The following ASF1A variants were observed in gnomAD, a reference collection of about 807,000 sequenced individuals.
ASF1A encodes anti-silencing function 1A histone chaperone.
A neutral mutation model predicts 22.0 loss-of-function variants in ASF1A; 5 were observed. The observed-to-expected ratio is 0.23, with a 90% CI of 0.12 to 0.48. The LOEUF (loss-of-function observed/expected upper bound fraction) is 0.48. Among genes scored for constraint, ASF1A ranks in the 20% least tolerant of loss-of-function variants. ASF1A has a pLI of 0.99. For synonymous variants in ASF1A, 97 were observed against 86.7 expected (o/e 1.12, Z -0.66); for missense variants, 137 against 240.6 (o/e 0.57, Z 2.85).
intron 3 of ASF1A, among the ~76,000 whole-genome samples, chr6:118,906,760 A>G (rs574488526): frequency 6.6e-6 from 1 of 152,344 alleles, no homozygotes; most frequent in East Asian, 1.9e-4. Context: ...CAGTTTGGTA[A>G]CTGGTGATTT....
At chr6:118,897,993 GCT>G (rs1366662817) in intron 1 of ASF1A, among the ~76,000 whole-genome samples, 3 of 152,164 alleles carry the variant, frequency 2.0e-5, no homozygotes, top group African/African-American at 7.2e-5. Context: ...CATCTCCTCT[GCT>G]CTCACTTCCC....
rs944088341 is a variant in ASF1A at position 118,894,813 on chromosome 6, C to T, written c.109+291C>T. On this transcript the variant is annotated intron_variant, in intron 1 of 3. Transcript: ENST00000229595. ...GGCGGGCAGCTCGGAGACCCGCACT[C>T]GCTCCCGCTGCGCCGCCTGAGGTCG... 2.0e-5 allele frequency among the ~76,000 whole-genome samples: 3 copies of T among 152,220 alleles called. No individual in the cohort carries two copies. In the East Asian group the frequency reaches 5.8e-4, roughly 29 times the overall value.
At chr6:118,903,300 C>CTT (rs1216590849) in intron 2 of ASF1A, among the ~76,000 whole-genome samples, 1 of 151,772 alleles carries the variant, frequency 6.6e-6, no homozygotes, top group Non-Finnish European at 1.5e-5. Flanking sequence ...TGTGTAGAAT[C>CTT]TCTAAGACAA....
chr6:118,905,660 A>G lies in ASF1A; in HGVS notation c.234A>G (p.Ala78=), dbSNP rs1001403027. ...TTTTTAATTTATTCTAGGCTGATGC[A>G]CCTAATCCAGGACTCATTCCAGATG... ...GRHMFVFQAD[A]PNPGLIPDAD... is the part of the protein sequence containing the mutation. Residue 78 remains alanine (A), a synonymous_variant, in exon 3 of 4, where the codon GCA becomes GCG. Transcript: ENST00000229595. 141 of 1,608,400 alleles carry G rather than the reference A, an allele frequency of 8.8e-5. No homozygotes were observed. Among genetic ancestry groups the G allele is most frequent in the Non-Finnish European group, 1.2e-4 (137 of 1,177,278 alleles).
intron 3 of ASF1A, among the ~76,000 whole-genome samples, chr6:118,906,047 G>A (rs1177529231): frequency 6.6e-6 from 1 of 152,076 alleles, no homozygotes; most frequent in Non-Finnish European, 1.5e-5. Context: ...CAGACACCTT[G>A]AGCATTTCTG....
chr6:118,897,078 G>T (rs962437495), intron 1 of ASF1A, among the ~76,000 whole-genome samples: 54 of 152,192 alleles, frequency 3.5e-4, no homozygotes, highest in African/African-American at 1.3e-3. Flanking sequence ...GGCTCAAGCA[G>T]TCCTCCCACC....
chr6:118,908,813 CA>C lies in ASF1A; in HGVS notation c.*1200del, dbSNP rs1216626842. On this transcript the variant is annotated 3_prime_UTR_variant, in exon 4 of 4. Transcript: ENST00000229595. ...TCATTATTCTTGCAGCTAAGCAAGA[CA>C]GCCATATGATGCAGGTTATGCAGTG... 1.3e-5 allele frequency: 2 copies of C among 152,546 alleles called. No individual in the cohort carries two copies. Among genetic ancestry groups the C allele is most frequent in the Non-Finnish European group, 2.9e-5 (2 of 68,018 alleles). The allele number at this position is 152,546 out of a possible 1,614,324, so 9.4% of individuals were successfully genotyped here.
chr6:118,894,758 G>A (rs1209199174), intron 1 of ASF1A, among the ~76,000 whole-genome samples: 1 of 151,754 alleles, frequency 6.6e-6, no homozygotes, highest in Non-Finnish European at 1.5e-5. Flanking sequence ...CGGAGGAGCG[G>A]AGGTAGCCAT....
chr6:118,907,629 T>G lies in ASF1A; in HGVS notation c.*15T>G, dbSNP rs762588943. 7 of 1,594,304 alleles carry G rather than the reference T, an allele frequency of 4.4e-6. No homozygotes were observed. The highest frequency in any genetic ancestry group is 5.2e-6 in the Non-Finnish European group (6 of 1,162,574). On this transcript the variant is annotated 3_prime_UTR_variant, in exon 4 of 4. Transcript: ENST00000229595. The stretch of plus-strand genomic sequence containing the variant: ...ACTGCATGTGACCACCTACCATCCC[T>G]TTAGTACAAATTAAGCTATTAAAAA...
At position 118,905,841 on chromosome 6, in the gene ASF1A, C is replaced by A. The variant is rs1394987740; in HGVS notation, c.402+13C>A. 5 of 1,552,770 alleles carry A rather than the reference C, an allele frequency of 3.2e-6. No homozygotes were observed. The African/African-American group carries it at 4.1e-5, about 13-fold the overall frequency. ...AGACTTTTCTAAGGTAATGTTCTTA[C>A]TATTCCTTTTTAACTACTTTTACTA... On this transcript the variant is annotated intron_variant, in intron 3 of 3. Coordinates refer to ENST00000229595, the MANE Select transcript of ASF1A (RefSeq NM_014034.3).
intron 1 of ASF1A, among the ~76,000 whole-genome samples, chr6:118,899,023 C>T (rs1779623659): frequency 1.3e-5 from 2 of 152,154 alleles, no homozygotes; most frequent in African/African-American, 4.8e-5. Context: ...TGCTCCCCTA[C>T]CCCACATCAC....
rs775277739 is a variant in ASF1A, at chr6:118,905,640, A to T, written c.226-12A>T. On this transcript the variant is annotated splice_polypyrimidine_tract_variant and intron_variant, in intron 2 of 3. Transcript: ENST00000229595. ...GTGTGTGTGTGTTTCTTTTCTTTTT[A>T]ATTTATTCTAGGCTGATGCACCTAA... 1 of 1,578,240 alleles carries T rather than the reference A, an allele frequency of 6.3e-7. No homozygotes were observed. The highest frequency in any genetic ancestry group is 2.3e-5 in the East Asian group (1 of 44,078).
chr6:118,897,097 C>T (rs1469782847), intron 1 of ASF1A, among the ~76,000 whole-genome samples: 3 of 152,120 alleles, frequency 2.0e-5, no homozygotes, highest in Non-Finnish European at 4.4e-5. Flanking sequence ...CCCCTGCCTC[C>T]CATAGTGTTG....
chr6:118,897,397 C>T, intron 1 of ASF1A, among the ~76,000 whole-genome samples: 1 of 152,062 alleles, frequency 6.6e-6, no homozygotes, highest in East Asian at 1.9e-4. Flanking sequence ...TTGATGGTCA[C>T]CAAGACTGTA....
chr6:118,903,101 T>G (rs535802288), intron 2 of ASF1A, among the ~76,000 whole-genome samples: 2 of 151,812 alleles, frequency 1.3e-5, no homozygotes, highest in South Asian at 4.1e-4. Flanking sequence ...ATGTTTTATA[T>G]TTACAACAGA....
chr6:118,906,082 T>C (rs1780159148), intron 3 of ASF1A, among the ~76,000 whole-genome samples: 1 of 152,166 alleles, frequency 6.6e-6, no homozygotes, highest in African/African-American at 2.4e-5. Flanking sequence ...AAGTACCTCT[T>C]TTTTTTCTGA....
intron 2 of ASF1A, among the ~76,000 whole-genome samples, chr6:118,905,103 T>C (rs137953241): frequency 1.3e-3 from 198 of 152,336 alleles, no homozygotes; most frequent in African/African-American, 4.5e-3. Context: ...CCCAAAGTGC[T>C]GGGATTACAA....
At chr6:118,895,271 G>C (rs1293446672) in intron 1 of ASF1A, among the ~76,000 whole-genome samples, 3 of 152,036 alleles carry the variant, frequency 2.0e-5, no homozygotes, top group African/African-American at 4.8e-5. Flanking sequence ...CCGGCGCCCG[G>C]GATGCGCCGG....
intron 1 of ASF1A, among the ~76,000 whole-genome samples, chr6:118,899,439 T>C (rs1583594638): frequency 6.6e-6 from 1 of 152,190 alleles, no homozygotes; most frequent in Non-Finnish European, 1.5e-5. Context: ...GCCCTACCCC[T>C]GGGCCTTTGT....
Sources: allele counts gnomAD v4.1 joint callset (sites outside exome capture counted in the v4.1 genomes callset), GRCh38; gene constraint gnomAD v4.1.1; transcripts MANE v1.5; gene names NCBI Gene and HGNC (gene_info 2026-07-23, HGNC 2026-07-21).